Variants in FGF12 observed in about 807,000 individuals in gnomAD.
FGF12 encodes the protein fibroblast growth factor 12B.
FGF12 carries 14 observed loss-of-function variants against 23.6 expected under a neutral mutation model. The observed-to-expected ratio is 0.59, with a 90% CI of 0.39 to 0.93. The LOEUF is 0.93. Ranked by LOEUF, FGF12 falls within the 40% of genes least tolerant of loss-of-function variation. The probability of loss-of-function intolerance (pLI) is 0.00; values close to 1 mark genes in which losing one functional copy is unlikely to be tolerated. For missense variants in FGF12, 175 were observed against 217.8 expected, an observed-to-expected ratio of 0.80 and a Z score of 1.24; for synonymous variants, 62 against 77.3, an observed-to-expected ratio of 0.80 and a Z score of 1.04.
intron 4 of FGF12, among the ~76,000 whole-genome samples, chr3:192,236,879 T>C (rs149434415): frequency 6.6e-6 from 1 of 152,300 alleles, no homozygotes; most frequent in Non-Finnish European, 1.5e-5. Context: ...GTCCTCATGT[T>C]GTTAGCTGGT....
intron 2 of FGF12, among the ~76,000 whole-genome samples, chr3:192,560,651 G>T (rs1402415887): frequency 1.3e-5 from 2 of 152,012 alleles, no homozygotes; most frequent in Non-Finnish European, 2.9e-5. Context: ...ATATAATTCT[G>T]CCTGGTAAAT....
intron 2 of FGF12, among the ~76,000 whole-genome samples, chr3:192,391,577 C>G (rs972147224): frequency 6.6e-6 from 1 of 152,080 alleles, no homozygotes; most frequent in Non-Finnish European, 1.5e-5. Flanking sequence ...GTTTATCAGA[C>G]CAAATCTGGA....
chr3:192,193,977 A>C (rs141583055), intron 4 of FGF12, among the ~76,000 whole-genome samples: 18 of 152,324 alleles, frequency 1.2e-4, no homozygotes, highest in Middle Eastern at 3.4e-3. Flanking sequence ...TGTAGTATGT[A>C]GAAAAAATAA....
intron 2 of FGF12, among the ~76,000 whole-genome samples, chr3:192,674,970 T>A (rs1717270795): frequency 6.6e-6 from 1 of 152,260 alleles, no homozygotes; most frequent in Non-Finnish European, 1.5e-5. Context: ...TCCATGTTTT[T>A]ATTCTTTTTA....
At chr3:192,168,787 A>G (rs762738687) in intron 5 of FGF12, among the ~76,000 whole-genome samples, 6 of 152,216 alleles carry the variant, frequency 3.9e-5, no homozygotes, top group African/African-American at 1.4e-4. Context: ...CTGTTCATTC[A>G]AAGAGTGAGC....
At chr3:192,276,551 T>C (rs756283490) in intron 4 of FGF12, among the ~76,000 whole-genome samples, 28 of 152,232 alleles carry the variant, frequency 1.8e-4, no homozygotes, top group Non-Finnish European at 4.0e-4. Context: ...TAGAAAACAA[T>C]ACCCCCAACT....
rs527811375 is a variant in FGF12, at chr3:192,557,653, G to A, written c.13+169528C>T. Among the ~76,000 whole-genome samples the A allele has an allele frequency of 5.3e-5, 8 of 151,772 alleles. No homozygotes were observed. The South Asian group carries it at 6.2e-4, about 12-fold the overall frequency. ...GCCTATATTCCCAATGAATACATAC[G>A]TAAAAATTCTCAACAAAATGCTAGC... On this transcript the variant is annotated intron_variant, in intron 2 of 5. Coordinates refer to ENST00000445105, the MANE Select transcript of FGF12 (RefSeq NM_004113.6).
chr3:192,701,168 C>G (rs1718282538), intron 2 of FGF12, among the ~76,000 whole-genome samples: 2 of 152,140 alleles, frequency 1.3e-5, no homozygotes, highest in Non-Finnish European at 2.9e-5. Flanking sequence ...GCTATTGATT[C>G]CAGGTGTTCA....
intron 2 of FGF12, among the ~76,000 whole-genome samples, chr3:192,364,061 C>G (rs1283542241): frequency 6.6e-6 from 1 of 152,182 alleles, no homozygotes; most frequent in African/African-American, 2.4e-5. Flanking sequence ...TAAGGCACTT[C>G]ATCTGTCACT....
chr3:192,709,528 A>G (rs1404554606), intron 2 of FGF12, among the ~76,000 whole-genome samples: 1 of 152,238 alleles, frequency 6.6e-6, no homozygotes, highest in East Asian at 1.9e-4. Context: ...AAAGTATATT[A>G]CTATGAGACT....
chr3:192,540,888 T>C (rs568955224), intron 2 of FGF12, among the ~76,000 whole-genome samples: 6 of 152,322 alleles, frequency 3.9e-5, no homozygotes, highest in African/African-American at 1.4e-4. Context: ...CATTATGTAA[T>C]GACCTTCTTT....
chr3:192,258,385 G>A (rs751283037), intron 4 of FGF12, among the ~76,000 whole-genome samples: 5 of 152,144 alleles, frequency 3.3e-5, no homozygotes, highest in African/African-American at 4.8e-5. Context: ...TTGAACCCGC[G>A]AGGCAGAGGT....
chr3:192,528,654 C>T (rs1399546029), intron 2 of FGF12, among the ~76,000 whole-genome samples: 4 of 152,188 alleles, frequency 2.6e-5, no homozygotes, highest in African/African-American at 9.7e-5. Context: ...GAGAGCCCTG[C>T]CCCTGCAGCA....
At chr3:192,329,898 A>G (rs1051759159) in intron 4 of FGF12, among the ~76,000 whole-genome samples, 2 of 152,184 alleles carry the variant, frequency 1.3e-5, no homozygotes, top group Non-Finnish European at 2.9e-5. Flanking sequence ...TTTCAGAAAC[A>G]TAAGTTTCCA....
At position 192,564,043 on chromosome 3, in the gene FGF12, TTTTGTTTGTTTTTTGTTTTTG is replaced by T. The variant is rs1454528077; in HGVS notation, c.13+163117_13+163137del. On this transcript the variant is annotated intron_variant, in intron 2 of 5. Transcript: ENST00000445105. ...AGACTATGTGTAGTTTTTTGTTTTT[TTTTGTTTGTTTTTTGTTTTTG>T]TTTGTTTGTTTGTTTTTGAGACACA... is the stretch of plus-strand genomic sequence containing the variant. 6.3e-4 allele frequency among the ~76,000 whole-genome samples: 95 copies of T among 151,906 alleles called. 1 individual carries two copies. The highest frequency in any genetic ancestry group is 6.8e-3 in the Middle Eastern group (2 of 294).
chr3:192,637,993 T>C (rs970119618), intron 2 of FGF12, among the ~76,000 whole-genome samples: 36 of 152,224 alleles, frequency 2.4e-4, no homozygotes, highest in Non-Finnish European at 4.0e-4. Context: ...GCCAGTGTTC[T>C]TTCTATTCAT....
At chr3:192,656,620 A>G (rs987140933) in intron 2 of FGF12, among the ~76,000 whole-genome samples, 2 of 152,170 alleles carry the variant, frequency 1.3e-5, no homozygotes, top group Non-Finnish European at 2.9e-5. Context: ...TGCACAGGAC[A>G]GCCTCCCACC....
At chr3:192,594,077 G>A (rs1253734598) in intron 2 of FGF12, among the ~76,000 whole-genome samples, 2 of 151,920 alleles carry the variant, frequency 1.3e-5, no homozygotes, top group South Asian at 2.1e-4. Flanking sequence ...ACGTAGTGGA[G>A]CTGGGGCTTG....
intron 4 of FGF12, among the ~76,000 whole-genome samples, chr3:192,194,838 T>C (rs948573626): frequency 7.2e-5 from 11 of 152,182 alleles, no homozygotes; most frequent in African/African-American, 2.4e-4. Flanking sequence ...TTCTCACCAA[T>C]AAAAAATTAA....
Sources: gnomAD v4.1 joint callset for allele counts (sites outside exome capture counted in the v4.1 genomes callset) on GRCh38, gnomAD v4.1.1 for gene constraint, MANE v1.5 for transcripts, NCBI Gene and HGNC (gene_info 2026-07-23, HGNC 2026-07-21) for gene names.